Variants in MALRD1 observed in about 807,000 individuals in gnomAD.
MALRD1 encodes the protein MAM and LDL-receptor class A domain-containing protein 1.
MALRD1 carries 247 observed loss-of-function variants against 242.1 expected under a neutral mutation model. The ratio of observed to expected loss-of-function variants is 1.02; its 90% confidence interval spans 0.92 to 1.13. MALRD1 has a LOEUF of 1.13. Among genes scored for constraint, MALRD1 ranks in the 50% most tolerant of loss-of-function variants. The pLI, the probability that MALRD1 is intolerant of heterozygous loss-of-function variation, is 0.00. For synonymous variants in MALRD1, 995 were observed against 866.6 expected, an observed-to-expected ratio of 1.15 and a Z score of -2.60; for missense variants, 2,989 against 2,533.1, an observed-to-expected ratio of 1.18 and a Z score of -3.86.
rs1340797168 is a variant in MALRD1, at chr10:19,567,698, C to T, written c.5675C>T (p.Thr1892Ile). ...ATCTCTTTTACCCCAGAGTGTGTGA[C>T]TGGAGGTAAGTGATTCTTTCAGAAA... The part of the protein sequence containing the change: ...DDISFTPECV[T>I]GGPVPVQPSP... The change falls in exon 33 of 40, where the codon ACT becomes ATT. Residue 1892 changes from threonine (T) to isoleucine (I), a missense_variant. By Grantham distance (89) the Thr-to-Ile change is moderately conservative. Coordinates refer to ENST00000454679, the MANE Select transcript of MALRD1 (RefSeq NM_001142308.3). 2.6e-6 allele frequency: 4 copies of T among 1,549,948 alleles called. No individual in the cohort carries two copies. The South Asian group carries it at 4.8e-5, about 18-fold the overall frequency.
intron 5 of MALRD1, among the ~76,000 whole-genome samples, chr10:19,122,582 G>A (rs1837100725): frequency 6.6e-6 from 1 of 152,092 alleles, no homozygotes; most frequent in Non-Finnish European, 1.5e-5. Flanking sequence ...AACAGTGAGG[G>A]GTGCCATTTG....
chr10:19,304,853 C>T (rs1307540662), intron 21 of MALRD1, among the ~76,000 whole-genome samples: 1 of 151,858 alleles, frequency 6.6e-6, no homozygotes, highest in Non-Finnish European at 1.5e-5. Context: ...ATCACAATGC[C>T]TGTTTTGTTT....
intron 35 of MALRD1, among the ~76,000 whole-genome samples, chr10:19,613,300 G>T (rs1451066407): frequency 2.0e-5 from 3 of 151,946 alleles, no homozygotes; most frequent in Non-Finnish European, 4.4e-5. Context: ...GCAAATTCCA[G>T]TGCCCACAGG....
At chr10:19,719,219 CATACATATATATATATATAT>C (rs1834601011) in intron 38 of MALRD1, among the ~76,000 whole-genome samples, 1 of 30,308 alleles carries the variant, frequency 3.3e-5, no homozygotes, top group African/African-American at 7.3e-5. Context: ...TATACACATA[CATACATATATATATATATAT>C]ATATATATAT....
chr10:19,452,246 TGA>T (rs1183544105), intron 29 of MALRD1, among the ~76,000 whole-genome samples: 2 of 152,222 alleles, frequency 1.3e-5, no homozygotes, highest in African/African-American at 4.8e-5. Flanking sequence ...AGAAGGAAAC[TGA>T]GAGTTATTAT....
chr10:19,498,735 T>C, intron 31 of MALRD1, 89 bp downstream of exon 31: 3 of 1,410,988 alleles, frequency 2.1e-6, no homozygotes, highest in African/African-American at 2.9e-5. Flanking sequence ...GTGCATTTCT[T>C]ATGTGTATGT....
At chr10:19,360,710 T>C (rs1366672994) in intron 26 of MALRD1, among the ~76,000 whole-genome samples, 1 of 152,118 alleles carries the variant, frequency 6.6e-6, no homozygotes, top group Non-Finnish European at 1.5e-5. Context: ...AACAGCCTTA[T>C]AAATATTGAC....
In MALRD1 at chr10:19,165,767, T is replaced by C. The variant is rs766307482; in HGVS notation, c.1787T>C (p.Ile596Thr). 4 of 1,231,542 alleles carry C rather than the reference T, an allele frequency of 3.2e-6. No homozygotes were observed. The highest frequency in any genetic ancestry group is 6.3e-5 in the East Asian group (2 of 31,698). 76.3% of individuals were successfully genotyped at this position (1,231,542 alleles called of 1,614,324 possible). A position where few individuals can be genotyped will look rare whatever the true frequency, so the allele number is the denominator to read the frequency against. Residue 596 changes from isoleucine (I) to threonine (T), a missense_variant, in exon 13 of 40, where the codon ATT becomes ACT. Coordinates refer to ENST00000454679, the MANE Select transcript of MALRD1 (RefSeq NM_001142308.3). Reference protein sequence around the residue: ...FSESQWSHAKIDLIAEAGEST... With the variant: ...FSESQWSHAKTDLIAEAGEST... ...GAATCTCAGTGGAGCCACGCAAAAATTGATCTCATTGCAGAAGCGGGAGAA... is the reference window on the plus strand; with the variant it reads ...GAATCTCAGTGGAGCCACGCAAAAACTGATCTCATTGCAGAAGCGGGAGAA...
intron 33 of MALRD1, among the ~76,000 whole-genome samples, chr10:19,580,754 C>T (rs1418190729): frequency 6.6e-6 from 1 of 152,136 alleles, no homozygotes; most frequent in Non-Finnish European, 1.5e-5. Context: ...TTCTCAGGTA[C>T]TTGTTAGCTT....
At chr10:19,502,808 C>G (rs1424724300) in intron 31 of MALRD1, among the ~76,000 whole-genome samples, 2 of 152,124 alleles carry the variant, frequency 1.3e-5, no homozygotes, top group East Asian at 1.9e-4. Flanking sequence ...ACAAAAACTG[C>G]AGGCTCAGTT....
At chr10:19,323,735 A>G (rs1273967223) in intron 21 of MALRD1, among the ~76,000 whole-genome samples, 1 of 151,994 alleles carries the variant, frequency 6.6e-6, no homozygotes, top group African/African-American at 2.4e-5. Flanking sequence ...CAGCCTCCTG[A>G]ATAGCTGGGA....
At chr10:19,291,156 C>CT (rs904428664) in intron 21 of MALRD1, among the ~76,000 whole-genome samples, 2 of 152,050 alleles carry the variant, frequency 1.3e-5, no homozygotes, top group Non-Finnish European at 2.9e-5. Flanking sequence ...AATATTAACA[C>CT]TTTTTTTAGT....
chr10:19,095,852 C>T (rs1836009373), intron 4 of MALRD1, among the ~76,000 whole-genome samples: 1 of 152,172 alleles, frequency 6.6e-6, no homozygotes, highest in African/African-American at 2.4e-5. Context: ...CAAAACCAGG[C>T]CAAGATTGTG....
chr10:19,219,998 A>G (rs1837490238), intron 18 of MALRD1, among the ~76,000 whole-genome samples: 2 of 152,176 alleles, frequency 1.3e-5, no homozygotes, highest in African/African-American at 4.8e-5. Context: ...GCCTTAAACA[A>G]TTTTAAACCT....
At position 19,489,864 on chromosome 10, in the gene MALRD1, T is replaced by C. The variant is rs116690927; in HGVS notation, c.5030-1653T>C. Among the ~76,000 whole-genome samples, 627 of 152,316 alleles carry C rather than the reference T, an allele frequency of 4.1e-3. 9 individuals carry two copies. The East Asian group carries it at 0.052, about 13-fold the overall frequency. On this transcript the variant is annotated intron_variant, in intron 29 of 39. Coordinates refer to ENST00000454679, the MANE Select transcript of MALRD1 (RefSeq NM_001142308.3). ...CTTGATCGTGGCTCTGCTGTCAGAA[T>C]TGTGGGCACTGTGTAGCCTCTTTGG...
Position 19,331,445 on chromosome 10 carries a change from C to T in MALRD1, c.3764C>T (p.Ser1255Phe). 6.4e-7 allele frequency: 1 copy of T among 1,550,476 alleles called. No homozygotes were observed. Among genetic ancestry groups the T allele is most frequent in the East Asian group, 2.4e-5 (1 of 40,880 alleles). Residue 1255 changes from serine (S) to phenylalanine (F), a missense_variant, in exon 24 of 40, where the codon TCC (serine) becomes TTC (phenylalanine). Transcript: ENST00000454679. ...AVDDISFQDC[S>F]PLLSPERKCT... is the part of the protein sequence containing the mutation. ...GATGATATTTCCTTCCAAGATTGCT[C>T]CCCTTTGCTTAGCCCAGAGAGAAAG...
chr10:19,084,206 C>T (rs916300759), intron 2 of MALRD1, among the ~76,000 whole-genome samples: 3 of 151,850 alleles, frequency 2.0e-5, no homozygotes, highest in East Asian at 1.9e-4. Flanking sequence ...TGAGTCAAAA[C>T]GTATGATTCA....
At position 19,200,111 on chromosome 10, in the gene MALRD1, G is replaced by A. The variant is rs527548890; in HGVS notation, c.1952-3617G>A. On this transcript the variant is annotated intron_variant, in intron 14 of 39. Coordinates refer to ENST00000454679, the MANE Select transcript of MALRD1 (RefSeq NM_001142308.3). ...TCACTGCACTCCAGCCTGGGTGACT[G>A]AGTGAGACTGTCTCAAAAAAGAATA... Among the ~76,000 whole-genome samples the A allele has an allele frequency of 8.1e-4, 124 of 152,298 alleles. 1 individual carries two copies. Among genetic ancestry groups the A allele is most frequent in the Admixed American group, 5.5e-3 (84 of 15,294 alleles).
intron 26 of MALRD1, among the ~76,000 whole-genome samples, chr10:19,382,504 T>C (rs758897269): frequency 6.6e-6 from 1 of 152,164 alleles, no homozygotes; most frequent in Non-Finnish European, 1.5e-5. Context: ...GAAGGCATAG[T>C]TGTGTCAGTT....
Sources: gnomAD v4.1 joint callset for allele counts (sites outside exome capture counted in the v4.1 genomes callset) on GRCh38, gnomAD v4.1.1 for gene constraint, MANE v1.5 for transcripts, NCBI Gene and HGNC (gene_info 2026-07-23, HGNC 2026-07-21) for gene names.